The following THAP7 variants were observed in gnomAD, a reference collection of about 807,000 sequenced individuals.
THAP7 encodes the protein THAP domain-containing protein 7.
THAP7 carries 22 observed loss-of-function variants against 29.2 expected under a neutral mutation model. The observed-to-expected ratio is 0.75, with a 90% CI of 0.54 to 1.08. The LOEUF is 1.08. THAP7 is among the 50% of genes least tolerant of loss of function. The pLI is 0.00. For missense variants in THAP7, 448 were observed against 416.2 expected, an observed-to-expected ratio of 1.08 and a Z score of -0.66; for synonymous variants, 208 against 173.4, an observed-to-expected ratio of 1.20 and a Z score of -1.57.
intron 1 of THAP7, 184 bp downstream of exon 1, chr22:21,001,648 G>C (rs1447303492): frequency 2.2e-6 from 2 of 892,854 alleles, no homozygotes; most frequent in Non-Finnish European, 3.3e-6. Flanking sequence ...AAGCCGGCTA[G>C]ACTTCCCGTC....
At position 20,999,566 on chromosome 22, in the gene THAP7, T is replaced by C. The variant is rs1420350721; in HGVS notation, c.*314A>G. On this transcript the variant is annotated 3_prime_UTR_variant, in exon 4 of 4. Coordinates refer to ENST00000215742, the MANE Select transcript of THAP7 (RefSeq NM_030573.3). ...CCCCTACTCACACCATCCTGCCCCT[T>C]CAGAGAACCCTGTGGGGCACGGAGC... 2.7e-6 allele frequency: 1 copy of C among 371,064 alleles called. No homozygotes were observed. Among genetic ancestry groups the C allele is most frequent in the Admixed American group, 4.3e-5 (1 of 23,054 alleles). 23.0% of individuals were successfully genotyped at this position (371,064 alleles called of 1,614,324 possible).
chr22:21,000,860 A>T, intron 2 of THAP7, 73 bp from the exon 3 acceptor site: 2 of 1,597,634 alleles, frequency 1.3e-6, no homozygotes, highest in Non-Finnish European at 1.7e-6. Flanking sequence ...CCCCAGCAGC[A>T]GCGCCGTGGG....
Position 21,002,021 on chromosome 22 carries a change from C to T in THAP7, c.-110G>A, listed in dbSNP as rs1054703388. On this transcript the variant is annotated 5_prime_UTR_variant, in exon 1 of 4. Transcript: ENST00000215742. ...AGGGGCTCTGGCCTGTCGGGTCCCC[C>T]CCGGCCCGTTGTCGCCCCAACCCCG... The T allele has an allele frequency of 4.5e-6, 5 of 1,117,020 alleles. No homozygotes were observed. The highest frequency in any genetic ancestry group is 1.6e-5 in the African/African-American group (1 of 60,956). The allele number at this position is 1,117,020 out of a possible 1,614,324, so 69.2% of individuals were successfully genotyped here.
chr22:21,001,643 G>A (rs781658828), intron 1 of THAP7, 189 bp downstream of exon 1: 56 of 891,328 alleles, frequency 6.3e-5, no homozygotes, highest in Non-Finnish European at 9.1e-5. Context: ...GGTCCAAGCC[G>A]GCTAGACTTC....
At chr22:21,001,470 C>G (rs767296399) in intron 1 of THAP7, 59 bp from the exon 2 acceptor site, 61 of 1,581,200 alleles carry the variant, frequency 3.9e-5, no homozygotes, top group Non-Finnish European at 4.6e-5. Flanking sequence ...TCATGCTGCC[C>G]AAGCACCCCA....
Position 20,999,948 on chromosome 22 carries a change from C to A in THAP7, c.862G>T (p.Asp288Tyr), listed in dbSNP as rs1238605986. Reference sequence around the variant, plus strand: ...TGCTCCTTCAGAGTCTGGCGGGCATCTGCCTGTGCCCGCTTCTCCCGTGCC... The same window carrying A: ...TGCTCCTTCAGAGTCTGGCGGGCATATGCCTGTGCCCGCTTCTCCCGTGCC... ...ERAREKRAQADARQTLKEHVQ... is the reference protein window; with the variant it reads ...ERAREKRAQAYARQTLKEHVQ... Residue 288 changes from aspartate (D) to tyrosine (Y), a missense_variant, in exon 4 of 4, where the codon GAT becomes TAT. Transcript: ENST00000215742. The A allele has an allele frequency of 1.2e-6, 2 of 1,612,330 alleles. No individual in the cohort carries two copies. The highest frequency in any genetic ancestry group is 1.7e-6 in the Non-Finnish European group (2 of 1,180,008).
rs773608240 is a variant in THAP7 at position 21,001,322 on chromosome 22, G to A, written c.170C>T (p.Ala57Val). ...DPSGQGLWDP[A>V]SEYIYFCSKH... ...GGAGCAGAAGTAGATGTACTCGGAT[G>A]CCGGGTCCCACAGGCCCTGGCCGCT... Residue 57 changes from alanine (A) to valine (V), a missense_variant, in exon 2 of 4, where the codon GCA (alanine) becomes GTA (valine). Physicochemically the swap from Ala to Val is moderately conservative, Grantham distance 64 (BLOSUM62 0). Transcript: ENST00000215742. 1.7e-5 allele frequency: 28 copies of A among 1,614,012 alleles called. No homozygotes were observed. The highest frequency in any genetic ancestry group is 2.3e-5 in the Non-Finnish European group (27 of 1,180,026).
chr22:21,001,878 T>C lies in THAP7; in HGVS notation c.34A>G (p.Thr12Ala). Residue 12 changes from threonine to alanine, a missense_variant, in exon 1 of 4, where the codon ACA (threonine) becomes GCA (alanine). Coordinates refer to ENST00000215742, the MANE Select transcript of THAP7 (RefSeq NM_030573.3). ...TTGCGCGTCTCGCGCGTGTCCCGTG[T>C]GCAGCAGCCGGCGGCGGAGCAGTGA... The part of the protein sequence containing the change: ...PRHCSAAGCC[T>A]RDTRETRNRG... 1 of 1,573,476 alleles carries C rather than the reference T, an allele frequency of 6.4e-7. No individual in the cohort carries two copies. The highest frequency in any genetic ancestry group is 8.6e-7 in the Non-Finnish European group (1 of 1,160,952).
Position 21,001,327 on chromosome 22 carries a change from G to C in THAP7, c.165C>G (p.Asp55Glu). The change falls in exon 2 of 4, where the codon GAC becomes GAG. Residue 55 changes from aspartate to glutamate, a missense_variant. Transcript: ENST00000215742. Reference protein sequence around the residue: ...RLDPSGQGLWDPASEYIYFCS... With the variant: ...RLDPSGQGLWEPASEYIYFCS... ...AGAAGTAGATGTACTCGGATGCCGGGTCCCACAGGCCCTGGCCGCTGGGGT... is the reference window on the plus strand; with the variant it reads ...AGAAGTAGATGTACTCGGATGCCGGCTCCCACAGGCCCTGGCCGCTGGGGT... 6.2e-7 allele frequency: 1 copy of C among 1,614,122 alleles called. No homozygotes were observed. The highest frequency in any genetic ancestry group is 1.1e-5 in the South Asian group (1 of 91,080).
At chr22:21,000,862 C>A (rs904484113) in intron 2 of THAP7, 75 bp from the exon 3 acceptor site, 2 of 1,594,288 alleles carry the variant, frequency 1.3e-6, no homozygotes, top group Admixed American at 1.7e-5. Flanking sequence ...CCAGCAGCAG[C>A]GCCGTGGGAT....
chr22:20,999,835 G>A lies in THAP7; in HGVS notation c.*45C>T. ...TCTGGTGGGATCTGAGGGAGGAAGAGGCTGCAGTCTTGCTGGGCAGCCCCT... is the reference window on the plus strand; with the variant it reads ...TCTGGTGGGATCTGAGGGAGGAAGAAGCTGCAGTCTTGCTGGGCAGCCCCT... On this transcript the variant is annotated 3_prime_UTR_variant, in exon 4 of 4. Coordinates refer to ENST00000215742, the MANE Select transcript of THAP7 (RefSeq NM_030573.3). 1 of 1,557,130 alleles carries A rather than the reference G, an allele frequency of 6.4e-7. No individual in the cohort carries two copies. Among genetic ancestry groups the A allele is most frequent in the Non-Finnish European group, 8.7e-7 (1 of 1,156,066 alleles).
Position 21,001,833 on chromosome 22 carries a change from T to C in THAP7, c.79A>G (p.Arg27Gly). Residue 27 changes from arginine to glycine, a missense_variant and splice_region_variant, in exon 1 of 4, where the codon AGA becomes GGA. Physicochemically the swap from Arg to Gly is moderately radical, Grantham distance 125. Coordinates refer to ENST00000215742, the MANE Select transcript of THAP7 (RefSeq NM_030573.3). ...AGCCCGCGGCGCACGCGCGCTGACC[T>C]GTGGAAGGAGATGCCGCGGTTGCGC... ...ETRNRGISFHRLPKKDNPRRG... is the reference protein window; with the variant it reads ...ETRNRGISFHGLPKKDNPRRG... 1.9e-6 allele frequency: 3 copies of C among 1,555,148 alleles called. No individual in the cohort carries two copies. The highest frequency in any genetic ancestry group is 1.4e-5 in the African/African-American group (1 of 73,280).
At chr22:21,001,611 T>A (rs1461447955) in intron 1 of THAP7, 200 bp from the exon 2 acceptor site, 2 of 924,604 alleles carry the variant, frequency 2.2e-6, no homozygotes, top group Admixed American at 5.9e-5. Context: ...CAGCGTCATC[T>A]GGCAGGTAAC....
At chr22:21,000,962 G>C in intron 2 of THAP7, 175 bp from the exon 3 acceptor site, 3 of 1,050,106 alleles carry the variant, frequency 2.9e-6, no homozygotes, top group Non-Finnish European at 4.1e-6. Flanking sequence ...CACAGTCCAG[G>C]TGTGTGGAAA....
At chr22:21,001,733 C>A in intron 1 of THAP7, 99 bp downstream of exon 1, 1 of 1,295,912 alleles carries the variant, frequency 7.7e-7, no homozygotes, top group East Asian at 2.6e-5. Flanking sequence ...CAAGCCTCCT[C>A]AGTATCTGAG....
At position 21,001,047 on chromosome 22, in the gene THAP7, C is replaced by T. The variant is rs1251005175; in HGVS notation, c.236+209G>A. On this transcript the variant is annotated intron_variant, in intron 2 of 3. Transcript: ENST00000215742. ...TGTGGACTTGCTGGCAAGACTGGGG[C>T]TCTGAAAGATACTCTCTGGAAAGGC... 9.1e-5 allele frequency: 78 copies of T among 856,410 alleles called. No homozygotes were observed. In the South Asian group the frequency reaches 1.3e-3, roughly 14 times the overall value. The allele number at this position is 856,410 out of a possible 1,614,324, so 53.1% of individuals were successfully genotyped here.
chr22:20,999,928 C>A lies in THAP7; in HGVS notation c.882G>T (p.Lys294Asn), dbSNP rs879539853. The change falls in exon 4 of 4, where the codon AAG (lysine) becomes AAT (asparagine). Residue 294 changes from lysine to asparagine, a missense_variant. Coordinates refer to ENST00000215742, the MANE Select transcript of THAP7 (RefSeq NM_030573.3). The part of the protein sequence containing the change: ...RAQADARQTL[K>N]EHVQDFAMQL... ...GCATGGCAAAGTCCTGCACATGCTC[C>A]TTCAGAGTCTGGCGGGCATCTGCCT... 3 of 1,611,766 alleles carry A rather than the reference C, an allele frequency of 1.9e-6. No homozygotes were observed. The highest frequency in any genetic ancestry group is 2.5e-6 in the Non-Finnish European group (3 of 1,179,974).
chr22:21,001,594 G>C, intron 1 of THAP7, 183 bp from the exon 2 acceptor site: 1 of 1,003,336 alleles, frequency 1.0e-6, no homozygotes, highest in South Asian at 1.6e-5. Flanking sequence ...AAGAAAAGCA[G>C]TTTCCTCAGC....
rs561512265 is a variant in THAP7, at chr22:21,000,010, C to T, written c.800G>A (p.Arg267Gln). The T allele has an allele frequency of 3.0e-5, 48 of 1,612,580 alleles. No homozygotes were observed. Among genetic ancestry groups the T allele is most frequent in the East Asian group, 1.6e-4 (7 of 44,878 alleles). The change falls in exon 4 of 4, where the codon CGG becomes CAG. Residue 267 changes from arginine to glutamine, a missense_variant. Physicochemically the swap from Arg to Gln is conservative, Grantham distance 43. Transcript: ENST00000215742. Reference protein sequence around the residue: ...QLQACKRREQRLRLRLTKLQQ... With the variant: ...QLQACKRREQQLRLRLTKLQQ... ...CAGCTTGGTCAGTCTCAACCGCAGC[C>T]GCTGCTCCCGCCGCTTGCAGGCCTG... is the stretch of plus-strand genomic sequence containing the variant.
Sources: gnomAD v4.1 joint callset for allele counts on GRCh38, gnomAD v4.1.1 for gene constraint, MANE v1.5 for transcripts, NCBI Gene and HGNC (gene_info 2026-07-23, HGNC 2026-07-21) for gene names.